The following USP26 variants were observed in gnomAD, a reference collection of about 807,000 sequenced individuals.
The protein encoded by USP26 is ubiquitin specific peptidase 26.
For missense variants in USP26, 649 were observed against 642.3 expected (o/e 1.01, Z -0.11); for synonymous variants, 236 against 240.6 (o/e 0.98, Z 0.18).
intron 5 of USP26, among the ~76,000 whole-genome samples, chrX:133,070,947 T>C (rs1471708902): frequency 9.0e-6 from 1 of 111,344 alleles, no homozygotes; most frequent in Non-Finnish European, 1.9e-5. Context: ...CCGGGTGTGG[T>C]GGCTCACTCC....
In USP26 at chrX:133,025,540, T is replaced by A; in HGVS notation, c.2681A>T (p.Lys894Ile). 8.3e-7 allele frequency: 1 copy of A among 1,211,384 alleles called. No individual in the cohort carries two copies. The highest frequency in any genetic ancestry group is 1.1e-6 in the Non-Finnish European group (1 of 895,400). ...ATTAAGCTGGGCATTCTCTTCTCTT[T>A]TCAACATCTCTTCAAAGATCTCATT... ...MHNEIFEEML[K>I]REENAQLNSK... The change falls in exon 6 of 6, where the codon AAA becomes ATA. Residue 894 changes from lysine (K) to isoleucine (I), a missense_variant. Coordinates refer to ENST00000511190, the MANE Select transcript of USP26 (RefSeq NM_031907.3).
At position 133,027,850 on chromosome X, in the gene USP26, T is replaced by C. The variant is rs1007285272; in HGVS notation, c.371A>G (p.Gln124Arg). ...GAATGAAGTTTTGTTGATTTCCTTCTGTGTTGTGCTAGAAAAGACACTCCC... is the reference window on the plus strand; with the variant it reads ...GAATGAAGTTTTGTTGATTTCCTTCCGTGTTGTGCTAGAAAAGACACTCCC... ...KGGSVFSSTT[Q>R]KEINKTSFHK... The change falls in exon 6 of 6, where the codon CAG becomes CGG. Residue 124 changes from glutamine to arginine, a missense_variant. Physicochemically the swap from Gln to Arg is conservative, Grantham distance 43. Transcript: ENST00000511190. 3.3e-6 allele frequency: 4 copies of C among 1,201,397 alleles called. No individual in the cohort carries two copies. The African/African-American group carries it at 5.4e-5, about 16-fold the overall frequency.
intron 4 of USP26, among the ~76,000 whole-genome samples, chrX:133,086,552 G>A (rs961324754): frequency 7.2e-5 from 8 of 111,027 alleles, no homozygotes; most frequent in African/African-American, 2.6e-4. Context: ...TGAGGCTGCA[G>A]TGAGCCATGT....
intron 1 of USP26, 41 bp from the exon 2 acceptor site, chrX:133,091,484 T>C (rs988333516): frequency 3.6e-5 from 4 of 112,338 alleles, no homozygotes; most frequent in African/African-American, 9.7e-5. Flanking sequence ...AGAACTTTGG[T>C]GTTAAAAAGT....
intron 5 of USP26, among the ~76,000 whole-genome samples, chrX:133,048,767 C>T (rs918702723): frequency 1.1e-4 from 12 of 107,048 alleles, no homozygotes; most frequent in Non-Finnish European, 1.6e-4. Flanking sequence ...AGGATGGTCT[C>T]GATCTCCTGA....
intron 5 of USP26, among the ~76,000 whole-genome samples, chrX:133,063,426 A>G (rs112287723): frequency 0.37 from 40,817 of 110,031 alleles, 6,883 homozygotes; most frequent in Middle Eastern, 0.55. Flanking sequence ...ACACATAATC[A>G]TCATATTCTC....
chrX:133,057,866 A>ATATATACATATTTTT (rs1412413450), intron 5 of USP26, among the ~76,000 whole-genome samples: 5 of 9,334 alleles, frequency 5.4e-4, no homozygotes, highest in African/African-American at 3.3e-3. Flanking sequence ...ATATATATAT[A>ATATATACATATTTTT]TTTTTTTTTT....
At chrX:133,084,488 C>G (rs942326795) in intron 4 of USP26, among the ~76,000 whole-genome samples, 1 of 108,139 alleles carries the variant, frequency 9.2e-6, no homozygotes, top group African/African-American at 3.4e-5. Flanking sequence ...CGTAAGCCAC[C>G]GGGCCTGGCC....
chrX:133,084,199 AGTTT>A (rs958787060), intron 4 of USP26, among the ~76,000 whole-genome samples: 37 of 107,756 alleles, frequency 3.4e-4, no homozygotes, highest in African/African-American at 1.2e-3. Flanking sequence ...TTATTTATTT[AGTTT>A]GTTTGTTTAT....
At chrX:133,031,388 T>C (rs1333743857) in intron 5 of USP26, among the ~76,000 whole-genome samples, 1 of 112,327 alleles carries the variant, frequency 8.9e-6, no homozygotes, top group Non-Finnish European at 1.9e-5. Context: ...CCAATTCCTC[T>C]ATTAGGGCCC....
At chrX:133,092,484 G>A (rs1025211387) in intron 1 of USP26, among the ~76,000 whole-genome samples, 2 of 112,176 alleles carry the variant, frequency 1.8e-5, no homozygotes, top group Non-Finnish European at 3.8e-5. Flanking sequence ...GTATCATTTA[G>A]GATAATTTCA....
intron 5 of USP26, among the ~76,000 whole-genome samples, chrX:133,029,078 T>C (rs1170117664): frequency 8.9e-6 from 1 of 112,745 alleles, no homozygotes; most frequent in Admixed American, 9.4e-5. Flanking sequence ...GAATTAGATG[T>C]ACTTAATTAT....
At position 133,024,192 on chromosome X, in the gene USP26, C is replaced by T. The variant is rs758420151; in HGVS notation, c.*1287G>A. Among the ~76,000 whole-genome samples the T allele has an allele frequency of 3.6e-5, 4 of 110,073 alleles. No individual in the cohort carries two copies. Among genetic ancestry groups the T allele is most frequent in the Non-Finnish European group, 7.6e-5 (4 of 52,811 alleles). ...TGTGTCAAATAAGTAACAAGTAATA[C>T]TTTCAAATTCTACAAGTCCACTTTA... On this transcript the variant is annotated 3_prime_UTR_variant, in exon 6 of 6. Coordinates refer to ENST00000511190, the MANE Select transcript of USP26 (RefSeq NM_031907.3).
At position 133,025,684 on chromosome X, in the gene USP26, G is replaced by A; in HGVS notation, c.2537C>T (p.Ala846Val). Reference sequence around the variant, plus strand: ...CCAGATCTGTTTCTCAAAGTCATAGGCATCACAGATATAATGGCCTGACTT... The same window carrying A: ...CCAGATCTGTTTCTCAAAGTCATAGACATCACAGATATAATGGCCTGACTT... ...TLKSGHYICDAYDFEKQIWFT... is the reference protein window; with the variant it reads ...TLKSGHYICDVYDFEKQIWFT... The change falls in exon 6 of 6, where the codon GCC becomes GTC. Residue 846 changes from alanine to valine, a missense_variant. Ala to Val is a moderately conservative substitution (Grantham distance 64). Transcript: ENST00000511190. 1 of 1,211,441 alleles carries A rather than the reference G, an allele frequency of 8.3e-7. No individual in the cohort carries two copies. Among genetic ancestry groups the A allele is most frequent in the South Asian group, 1.8e-5 (1 of 56,952 alleles).
intron 5 of USP26, among the ~76,000 whole-genome samples, chrX:133,039,882 G>A (rs1044950104): frequency 3.6e-5 from 4 of 111,410 alleles, no homozygotes; most frequent in South Asian, 3.8e-4. Flanking sequence ...CTCCTGTATC[G>A]GGTGCATATA....
intron 5 of USP26, among the ~76,000 whole-genome samples, chrX:133,060,249 G>C (rs781056599): frequency 8.9e-6 from 1 of 112,064 alleles, no homozygotes; most frequent in African/African-American, 3.2e-5. Flanking sequence ...CTATGGTTCT[G>C]CTCTGTTGAA....
At chrX:133,065,161 C>T (rs2067507136) in intron 5 of USP26, among the ~76,000 whole-genome samples, 2 of 111,282 alleles carry the variant, frequency 1.8e-5, no homozygotes, top group Admixed American at 9.6e-5. Flanking sequence ...CATACACCCG[C>T]CCCAAGACTA....
At position 133,027,161 on chromosome X, in the gene USP26, T is replaced by C. The variant is rs369847560; in HGVS notation, c.1060A>G (p.Ile354Val). The change falls in exon 6 of 6, where the codon ATA (isoleucine) becomes GTA (valine). Residue 354 changes from isoleucine (I) to valine (V), a missense_variant. Ile to Val is a conservative substitution (Grantham distance 29, BLOSUM62 3). Coordinates refer to ENST00000511190, the MANE Select transcript of USP26 (RefSeq NM_031907.3). ...RLLFFKDTYN[I>V]EIKEMLLLNL... Reference sequence around the variant, plus strand: ...AAGAGTAACATCTCCTTGATTTCTATATTATAGGTATCTTTAAAAAAAAGT... The same window carrying C: ...AAGAGTAACATCTCCTTGATTTCTACATTATAGGTATCTTTAAAAAAAAGT... 4.1e-6 allele frequency: 5 copies of C among 1,210,472 alleles called. No homozygotes were observed. The highest frequency in any genetic ancestry group is 2.2e-6 in the Non-Finnish European group (2 of 894,936).
intron 5 of USP26, among the ~76,000 whole-genome samples, chrX:133,036,717 T>C (rs189707835): frequency 8.9e-6 from 1 of 112,274 alleles, no homozygotes; most frequent in East Asian, 2.8e-4. Flanking sequence ...CCAGGTCAAA[T>C]GGTATTTCTG....
Sources: allele counts gnomAD v4.1 joint callset (sites outside exome capture counted in the v4.1 genomes callset), GRCh38; gene constraint gnomAD v4.1.1; transcripts MANE v1.5; gene names NCBI Gene and HGNC (gene_info 2026-07-23, HGNC 2026-07-21).